ISCU: variants seen among roughly 807,000 people sequenced by gnomAD.
ISCU encodes the protein iron-sulfur cluster assembly enzyme ISCU.
Under a neutral mutation model 18.4 loss-of-function variants are expected in ISCU, and 13 were observed. The observed-to-expected ratio is 0.71, with a 90% confidence interval of 0.46 to 1.12. The LOEUF (loss-of-function observed/expected upper bound fraction) is 1.12. ISCU is among the 50% of genes most tolerant of loss of function. The pLI is 0.00. For missense variants in ISCU, 229 were observed against 208.7 expected (o/e 1.10, Z -0.60); for synonymous variants, 104 against 87.5 (o/e 1.19, Z -1.06).
In ISCU at chr12:108,562,740, G is replaced by A; in HGVS notation, c.114+4G>A. ...GGCCCGACTCTATCACAAGAAGGTA[G>A]GGACAAAAGAGGGACGCGCGGAATG... On this transcript the variant is annotated splice_donor_region_variant and intron_variant, in intron 1 of 4. Coordinates refer to ENST00000311893, the MANE Select transcript of ISCU (RefSeq NM_213595.4). The A allele has an allele frequency of 7.6e-7, 1 of 1,316,086 alleles. No individual in the cohort carries two copies. The highest frequency in any genetic ancestry group is 9.5e-7 in the Non-Finnish European group (1 of 1,048,700). 81.5% of individuals were successfully genotyped at this position (1,316,086 alleles called of 1,614,324 possible). A position where few individuals can be genotyped will look rare whatever the true frequency, so the allele number is the denominator to read the frequency against.
At position 108,565,387 on chromosome 12, in the gene ISCU, A is replaced by G; in HGVS notation, c.295A>G (p.Ile99Val). The G allele has an allele frequency of 1.2e-6, 2 of 1,614,134 alleles. No individual in the cohort carries two copies. Among genetic ancestry groups the G allele is most frequent in the Non-Finnish European group, 1.7e-6 (2 of 1,179,966 alleles). ...TAAAACATTTGGCTGTGGTTCCGCA[A>G]TTGCCTCCAGCTCATTAGCCACTGA... is the stretch of plus-strand genomic sequence containing the variant. ...RFKTFGCGSA[I>V]ASSSLATEWV... is the part of the protein sequence containing the mutation. The change falls in exon 3 of 5, where the codon ATT (isoleucine) becomes GTT (valine). Residue 99 changes from isoleucine to valine, a missense_variant. Coordinates refer to ENST00000311893, the MANE Select transcript of ISCU (RefSeq NM_213595.4).
intron 2 of ISCU, 146 bp from the exon 3 acceptor site, chr12:108,565,175 A>T (rs1392872586): frequency 2.9e-6 from 2 of 680,404 alleles, no homozygotes; most frequent in Non-Finnish European, 5.4e-6. Context: ...GCTCTTTGAA[A>T]CAAGGCAAAG....
At chr12:108,568,210 G>A in intron 4 of ISCU, 3 of 1,258,944 alleles carry the variant, frequency 2.4e-6, no homozygotes, top group Non-Finnish European at 3.0e-6. Context: ...TTTAGGTACT[G>A]AAACCTTTAG....
intron 1 of ISCU, 104 bp from the exon 2 acceptor site, chr12:108,564,175 G>T: frequency 6.3e-7 from 1 of 1,591,724 alleles, no homozygotes; most frequent in South Asian, 1.1e-5. Flanking sequence ...GGTATTTAGT[G>T]ATTGCCTGCC....
At chr12:108,562,947 G>T (rs1025811608) in intron 1 of ISCU, 3 of 389,862 alleles carry the variant, frequency 7.7e-6, no homozygotes, top group Non-Finnish European at 1.4e-5. Flanking sequence ...GGGCCCCGCC[G>T]CTGGCCGCGA....
rs1263029871 is a variant in ISCU, at chr12:108,562,612, A to C, written c.-11A>C. 2.1e-6 allele frequency: 3 copies of C among 1,439,392 alleles called. No homozygotes were observed. Among genetic ancestry groups the C allele is most frequent in the African/African-American group, 1.5e-5 (1 of 67,740 alleles). 89.2% of individuals were successfully genotyped at this position (1,439,392 alleles called of 1,614,324 possible). ...CGTCGCTCTGGACTGGCGCAGGCGC[A>C]AGCCGGCAAGATGGCGGCGGCTGGG... On this transcript the variant is annotated 5_prime_UTR_variant, in exon 1 of 5. Coordinates refer to ENST00000311893, the MANE Select transcript of ISCU (RefSeq NM_213595.4).
At chr12:108,564,505 C>G (rs985158882) in intron 2 of ISCU, 113 bp downstream of exon 2, 1 of 776,804 alleles carries the variant, frequency 1.3e-6, no homozygotes, top group African/African-American at 1.7e-5. Context: ...AAGCATTTCA[C>G]TTGGTCTCCA....
chr12:108,567,413 G>T, intron 4 of ISCU, 145 bp downstream of exon 4: 2 of 775,020 alleles, frequency 2.6e-6, no homozygotes, highest in South Asian at 1.4e-5. Flanking sequence ...ACCTGCAGAG[G>T]GTTAGAGCCC....
intron 4 of ISCU, chr12:108,567,570 G>A: frequency 1.9e-6 from 2 of 1,051,654 alleles, no homozygotes; most frequent in Non-Finnish European, 2.8e-6. Flanking sequence ...TCTTATGGAT[G>A]AGGAAGCTAA....
At chr12:108,567,338 C>A (rs546148926) in intron 4 of ISCU, 70 bp downstream of exon 4, 2 of 1,255,938 alleles carry the variant, frequency 1.6e-6, no homozygotes, top group South Asian at 2.4e-5. Context: ...TTGCAACAGT[C>A]CTTTTAGATC....
intron 2 of ISCU, among the ~76,000 whole-genome samples, 195 bp downstream of exon 2, chr12:108,564,587 G>GC (rs1426760761): frequency 2.0e-5 from 3 of 152,176 alleles, no homozygotes; most frequent in African/African-American, 7.2e-5. Flanking sequence ...CTCCTGCTAG[G>GC]CTAGTGTACT....
In ISCU at chr12:108,564,362, T is replaced by A. The variant is rs1481300839; in HGVS notation, c.198T>A (p.Ala66=). 1 of 1,613,812 alleles carries A rather than the reference T, an allele frequency of 6.2e-7. No homozygotes were observed. The highest frequency in any genetic ancestry group is 1.3e-5 in the African/African-American group (1 of 75,052). ...ATGTTGGAACTGGACTGGTGGGGGC[T>A]CCAGCATGTGGTGACGTAATGAAAT... The part of the protein sequence containing the change: ...SKNVGTGLVG[A]PACGDVMKLQ... Residue 66 remains alanine (A), a synonymous_variant, in exon 2 of 5, where the codon GCT becomes GCA. Transcript: ENST00000311893.
chr12:108,562,661 A>G lies in ISCU; in HGVS notation c.39A>G (p.Ala13=), dbSNP rs533283101. ...GGGCTTTCCGTCTGAGGCGGGCGGC[A>G]TCGGCTCTGCTGCTGCGGAGCCCCC... ...AAGAFRLRRA[A]SALLLRSPRL... is the part of the protein sequence containing the mutation. The change falls in exon 1 of 5, where the codon GCA becomes GCG. Residue 13 remains alanine, a synonymous_variant. Transcript: ENST00000311893. 2.7e-6 allele frequency: 4 copies of G among 1,454,810 alleles called. No homozygotes were observed. Among genetic ancestry groups the G allele is most frequent in the African/African-American group, 1.5e-5 (1 of 68,042 alleles). The allele number at this position is 1,454,810 out of a possible 1,614,324, so 90.1% of individuals were successfully genotyped here. A position where few individuals can be genotyped will look rare whatever the true frequency, so the allele number is the denominator to read the frequency against.
chr12:108,564,083 G>A (rs778846530), intron 1 of ISCU, 196 bp from the exon 2 acceptor site: 3 of 1,610,228 alleles, frequency 1.9e-6, no homozygotes, highest in Non-Finnish European at 2.5e-6. Flanking sequence ...GTGAAGTATT[G>A]TAGAGGAGAC....
chr12:108,568,751 C>T, intron 4 of ISCU, 80 bp from the exon 5 acceptor site: 2 of 1,554,048 alleles, frequency 1.3e-6, no homozygotes, highest in East Asian at 2.4e-5. Context: ...CCACTTCCTC[C>T]CAGCTCTTAA....
rs1045841187 is a variant in ISCU, at chr12:108,567,852, A to T, written c.418+584A>T. On this transcript the variant is annotated intron_variant, in intron 4 of 4. Coordinates refer to ENST00000311893, the MANE Select transcript of ISCU (RefSeq NM_213595.4). ...AAAGCCCAGATGCCTTAAGACTTGT[A>T]CTTGGCTTTCCAGTTTGGTCTCTGT... 4.7e-6 allele frequency: 7 copies of T among 1,478,572 alleles called. No individual in the cohort carries two copies. In the African/African-American group the frequency reaches 8.4e-5, roughly 18 times the overall value. 91.6% of individuals were successfully genotyped at this position (1,478,572 alleles called of 1,614,324 possible). A position where few individuals can be genotyped will look rare whatever the true frequency, so the allele number is the denominator to read the frequency against.
At chr12:108,563,007 C>T (rs2030691802) in intron 1 of ISCU, 1 of 301,806 alleles carries the variant, frequency 3.3e-6, no homozygotes, top group Non-Finnish European at 6.1e-6. Context: ...AGGCAGGGTC[C>T]TGTTGGGACT....
chr12:108,568,680 G>A lies in ISCU; in HGVS notation c.419-151G>A, dbSNP rs1256826868. 20 of 1,488,190 alleles carry A rather than the reference G, an allele frequency of 1.3e-5. No individual in the cohort carries two copies. In the Middle Eastern group the frequency reaches 5.2e-4, roughly 39 times the overall value. 92.2% of individuals were successfully genotyped at this position (1,488,190 alleles called of 1,614,324 possible). On this transcript the variant is annotated intron_variant, in intron 4 of 4. Coordinates refer to ENST00000311893, the MANE Select transcript of ISCU (RefSeq NM_213595.4). ...CTCAGCTCAGGAAGCAGCTGCTGAC[G>A]TGCCCAGCAACTCCTCACCCCAGCT... is the stretch of plus-strand genomic sequence containing the variant.
intron 4 of ISCU, 163 bp downstream of exon 4, chr12:108,567,431 C>A: frequency 1.3e-6 from 1 of 742,424 alleles, no homozygotes; most frequent in Non-Finnish European, 2.4e-6. Context: ...CCCCCATGGT[C>A]TCACATTCAT....
Sources: gnomAD v4.1 joint callset for allele counts (sites outside exome capture counted in the v4.1 genomes callset) on GRCh38, gnomAD v4.1.1 for gene constraint, MANE v1.5 for transcripts, NCBI Gene and HGNC (gene_info 2026-07-23, HGNC 2026-07-21) for gene names.